The following STX7 variants were observed in gnomAD, a reference collection of about 807,000 sequenced individuals.
The protein encoded by STX7 is syntaxin-7.
Under a neutral mutation model 39.6 loss-of-function variants are expected in STX7, and 34 were observed. The observed-to-expected ratio is 0.86, with a 90% confidence interval of 0.65 to 1.14. The LOEUF (loss-of-function observed/expected upper bound fraction) is 1.14, where lower values mean the gene tolerates loss of function less well. Among genes scored for constraint, STX7 ranks in the 50% most tolerant of loss-of-function variants. The pLI, the probability that STX7 is intolerant of heterozygous loss-of-function variation, is 0.00. For missense variants in STX7, 284 were observed against 310.4 expected (o/e 0.92, Z 0.64); for synonymous variants, 119 against 99.1 (o/e 1.20, Z -1.19).
At chr6:132,490,489 G>A (rs1035657708) in intron 2 of STX7, among the ~76,000 whole-genome samples, 3 of 152,132 alleles carry the variant, frequency 2.0e-5, no homozygotes, top group African/African-American at 7.2e-5. Flanking sequence ...TAGAATGGGG[G>A]AGCAGGTAGA....
chr6:132,506,569 G>A (rs1404777718), intron 1 of STX7, among the ~76,000 whole-genome samples: 6 of 151,948 alleles, frequency 3.9e-5, no homozygotes, highest in Non-Finnish European at 8.8e-5. Flanking sequence ...ACAACAGTCA[G>A]AATGGCTATT....
At chr6:132,464,100 A>C in intron 8 of STX7, 25 bp from the exon 9 acceptor site, 1 of 1,586,408 alleles carries the variant, frequency 6.3e-7, no homozygotes. Flanking sequence ...ACACACACAC[A>C]AATGTGTTAA....
In STX7 at chr6:132,508,368, A is replaced by G. The variant is rs114444366; in HGVS notation, c.-59+4639T>C. ...TCTCTGGAAAATCAATCACTTAGTC[A>G]CAAACACAATCAATTTTCTTCATCC... On this transcript the variant is annotated intron_variant, in intron 1 of 9. Transcript: ENST00000367941. Among the ~76,000 whole-genome samples the G allele has an allele frequency of 4.8e-3, 728 of 152,318 alleles. 6 individuals carry two copies. The highest frequency in any genetic ancestry group is 0.017 in the African/African-American group (695 of 41,570).
At chr6:132,493,413 A>G (rs1429486492) in intron 2 of STX7, among the ~76,000 whole-genome samples, 1 of 152,142 alleles carries the variant, frequency 6.6e-6, no homozygotes, top group Admixed American at 6.5e-5. Context: ...TGTGAGAGGG[A>G]CCCAGTGGGA....
At chr6:132,480,566 T>G (rs2114407403) in intron 2 of STX7, among the ~76,000 whole-genome samples, 1 of 152,254 alleles carries the variant, frequency 6.6e-6, no homozygotes, top group South Asian at 2.1e-4. Flanking sequence ...AGGTAGTATG[T>G]TGATTGAGGT....
Position 132,470,513 on chromosome 6 carries a change from C to T in STX7, c.440+61G>A, listed in dbSNP as rs1554247657. On this transcript the variant is annotated intron_variant, in intron 6 of 9. Coordinates refer to ENST00000367941, the MANE Select transcript of STX7 (RefSeq NM_003569.3). ...GAAAGCTTTAATTCTGTTCCAGGGA[C>T]CTTAATGTATAAACTTTGAAAAATT... 9.0e-6 allele frequency: 11 copies of T among 1,222,330 alleles called. No homozygotes were observed. The Middle Eastern group carries it at 6.3e-4, about 70-fold the overall frequency. The allele number at this position is 1,222,330 out of a possible 1,614,324, so 75.7% of individuals were successfully genotyped here. A position where few individuals can be genotyped will look rare whatever the true frequency, so the allele number is the denominator to read the frequency against.
intron 1 of STX7, 116 bp from the exon 2 acceptor site, chr6:132,503,704 C>T: frequency 2.3e-6 from 1 of 437,612 alleles, no homozygotes; most frequent in East Asian, 3.8e-5. Flanking sequence ...GAGTTGAAAT[C>T]TGGCAAAGTG....
chr6:132,446,822 A>G lies in STX7; in HGVS notation c.*13936T>C, dbSNP rs143080839. On this transcript the variant is annotated 3_prime_UTR_variant, in exon 10 of 10. Coordinates refer to ENST00000367941, the MANE Select transcript of STX7 (RefSeq NM_003569.3). ...TGGGTTTTTCCCCATCTCTGAACCA[A>G]TCTCTGAGGCAAAAAGAATGCTATT... The G allele has an allele frequency of 6.6e-6, 1 of 152,222 alleles. No homozygotes were observed. Among genetic ancestry groups the G allele is most frequent in the East Asian group, 1.9e-4 (1 of 5,172 alleles). 9.4% of individuals were successfully genotyped at this position (152,222 alleles called of 1,614,324 possible).
At chr6:132,479,611 T>C (rs1382144527) in intron 2 of STX7, among the ~76,000 whole-genome samples, 3 of 152,170 alleles carry the variant, frequency 2.0e-5, no homozygotes, top group African/African-American at 7.2e-5. Context: ...GAAGCACTTG[T>C]TCAGTGAAAT....
intron 3 of STX7, among the ~76,000 whole-genome samples, chr6:132,474,108 T>A (rs1245134586): frequency 6.6e-6 from 1 of 151,068 alleles, no homozygotes; most frequent in Non-Finnish European, 1.5e-5. Flanking sequence ...TGTGCCTGTA[T>A]TCCCAGCTAC....
chr6:132,492,370 A>G (rs1286827181), intron 2 of STX7, among the ~76,000 whole-genome samples: 1 of 152,172 alleles, frequency 6.6e-6, no homozygotes, highest in Admixed American at 6.5e-5. Context: ...TTCTTTTTGT[A>G]ACACTTAACA....
At chr6:132,502,985 T>C (rs1252536169) in intron 2 of STX7, among the ~76,000 whole-genome samples, 1 of 152,122 alleles carries the variant, frequency 6.6e-6, no homozygotes. Flanking sequence ...CCTTAGTTCC[T>C]CTTGCTCCTT....
chr6:132,483,360 T>C (rs1775055858), intron 2 of STX7, among the ~76,000 whole-genome samples: 1 of 152,224 alleles, frequency 6.6e-6, no homozygotes, highest in Non-Finnish European at 1.5e-5. Context: ...AATATTTTTG[T>C]TCCATGGTTA....
chr6:132,469,307 T>C (rs56026547), intron 7 of STX7, among the ~76,000 whole-genome samples: 4,972 of 152,248 alleles, frequency 0.033, 117 homozygotes, highest in Non-Finnish European at 0.045. Context: ...ATGTGTATCA[T>C]GTGCTCTGGG....
chr6:132,491,669 G>C (rs770102861), intron 2 of STX7, among the ~76,000 whole-genome samples: 1 of 152,036 alleles, frequency 6.6e-6, no homozygotes, highest in African/African-American at 2.4e-5. Flanking sequence ...CTACTGAAAT[G>C]ATTCTGTCCT....
chr6:132,463,965 A>T, intron 9 of STX7, 28 bp downstream of exon 9: 1 of 1,609,090 alleles, frequency 6.2e-7, no homozygotes, highest in South Asian at 1.1e-5. Context: ...AGGATAAGTT[A>T]TAAGAAAATT....
In STX7 at chr6:132,463,968, A is replaced by G. The variant is rs751461430; in HGVS notation, c.693+25T>C. The G allele has an allele frequency of 3.1e-6, 5 of 1,611,688 alleles. No individual in the cohort carries two copies. The African/African-American group carries it at 5.3e-5, about 17-fold the overall frequency. On this transcript the variant is annotated intron_variant, in intron 9 of 9. Transcript: ENST00000367941. ...ACACATACGAAAAGGATAAGTTATA[A>G]GAAAATTGATCACAGTTAAATTACC...
chr6:132,465,756 G>T (rs562636053), intron 8 of STX7, among the ~76,000 whole-genome samples: 1 of 152,218 alleles, frequency 6.6e-6, no homozygotes, highest in Non-Finnish European at 1.5e-5. Context: ...CTATCTACAT[G>T]CAATATTTGT....
At chr6:132,473,287 A>G (rs912941051) in intron 3 of STX7, among the ~76,000 whole-genome samples, 2 of 152,218 alleles carry the variant, frequency 1.3e-5, no homozygotes, top group African/African-American at 2.4e-5. Context: ...GAAGTAAATT[A>G]TAGTCATCCC....
Sources: gnomAD v4.1 joint callset for allele counts (sites outside exome capture counted in the v4.1 genomes callset) on GRCh38, gnomAD v4.1.1 for gene constraint, MANE v1.5 for transcripts, NCBI Gene and HGNC (gene_info 2026-07-23, HGNC 2026-07-21) for gene names.